TASP1: variants seen among roughly 807,000 people sequenced by gnomAD.
TASP1 encodes the protein threonine aspartase 1.
TASP1 carries 16 observed loss-of-function variants against 56.6 expected under a neutral mutation model. That is an observed-to-expected ratio of 0.28 (90% CI 0.19 to 0.43). The LOEUF (loss-of-function observed/expected upper bound fraction) is 0.43, where lower values mean the gene tolerates loss of function less well. Among genes scored for constraint, TASP1 ranks in the 20% least tolerant of loss-of-function variants. The probability of loss-of-function intolerance (pLI) is 1.00; values close to 1 mark genes in which losing one functional copy is unlikely to be tolerated. For missense variants in TASP1, 393 were observed against 511.6 expected (o/e 0.77, Z 2.24); for synonymous variants, 179 against 184.2 (o/e 0.97, Z 0.23).
chr20:13,361,791 T>C, the TASP1 span, among the ~76,000 whole-genome samples: 1 of 152,030 alleles, frequency 6.6e-6, no homozygotes, highest in Non-Finnish European at 1.5e-5. Context: ...ACAGCTGATA[T>C]CTCCTGGTGC....
intron 13 of TASP1, among the ~76,000 whole-genome samples, chr20:13,400,923 T>C (rs991016614): frequency 1.3e-5 from 2 of 152,214 alleles, no homozygotes; most frequent in Admixed American, 1.3e-4. Context: ...ACATAAACTA[T>C]ATTATTTGGA....
chr20:13,551,539 A>G, intron 8 of TASP1, among the ~76,000 whole-genome samples: 1 of 152,308 alleles, frequency 6.6e-6, no homozygotes, highest in Admixed American at 6.5e-5. Flanking sequence ...TTAATACTCT[A>G]AGAGTCCCTT....
chr20:13,539,430 G>T (rs2045537797), intron 8 of TASP1, among the ~76,000 whole-genome samples: 2 of 152,120 alleles, frequency 1.3e-5, no homozygotes, highest in Non-Finnish European at 2.9e-5. Flanking sequence ...CACACCTGTA[G>T]TCTGAGCTAC....
intron 7 of TASP1, among the ~76,000 whole-genome samples, chr20:13,564,590 C>T: frequency 6.7e-6 from 1 of 150,078 alleles, no homozygotes; most frequent in Non-Finnish European, 1.5e-5. Context: ...AATATCAATC[C>T]TAAAATTCAT....
intron 12 of TASP1, among the ~76,000 whole-genome samples, chr20:13,423,654 C>G (rs774003848): frequency 5.3e-5 from 8 of 152,188 alleles, no homozygotes; most frequent in Non-Finnish European, 7.3e-5. Flanking sequence ...ACTATCTTAG[C>G]AACTGGCAGC....
chr20:13,343,530 G>T, the TASP1 span, among the ~76,000 whole-genome samples: 1 of 152,112 alleles, frequency 6.6e-6, no homozygotes, highest in Non-Finnish European at 1.5e-5. Flanking sequence ...TGCAGGCTGC[G>T]GTTCCACCGC....
At chr20:13,145,749 G>T in the TASP1 span, among the ~76,000 whole-genome samples, 1 of 152,120 alleles carries the variant, frequency 6.6e-6, no homozygotes, top group Admixed American at 6.5e-5. Flanking sequence ...ATACTACAAG[G>T]CTACAGCAAC....
chr20:13,115,399 T>C, the TASP1 span, among the ~76,000 whole-genome samples: 1 of 152,186 alleles, frequency 6.6e-6, no homozygotes, highest in Admixed American at 6.5e-5. Context: ...GGCAGGCTCC[T>C]AACATCAGCT....
At chr20:13,255,875 C>G in the TASP1 span, among the ~76,000 whole-genome samples, 1 of 152,034 alleles carries the variant, frequency 6.6e-6, no homozygotes, top group Non-Finnish European at 1.5e-5. Flanking sequence ...TCATTCAGCC[C>G]ACCAACCAGC....
the TASP1 span, among the ~76,000 whole-genome samples, chr20:13,312,492 C>A: frequency 1.3e-5 from 2 of 152,202 alleles, no homozygotes; most frequent in Non-Finnish European, 2.9e-5. Context: ...CATGCACAGT[C>A]TGAGATAAAC....
At chr20:13,352,504 A>C in the TASP1 span, among the ~76,000 whole-genome samples, 1 of 151,922 alleles carries the variant, frequency 6.6e-6, no homozygotes, top group African/African-American at 2.4e-5. Context: ...TGTTGCTTGC[A>C]GGTTAAAGTT....
At chr20:13,378,024 G>A in the TASP1 span, among the ~76,000 whole-genome samples, 3 of 151,828 alleles carry the variant, frequency 2.0e-5, no homozygotes, top group African/African-American at 4.8e-5. Flanking sequence ...CAAATAACCC[G>A]CTCCTGGATT....
At chr20:13,256,256 C>G in the TASP1 span, among the ~76,000 whole-genome samples, 1 of 151,820 alleles carries the variant, frequency 6.6e-6, no homozygotes, top group African/African-American at 2.4e-5. Flanking sequence ...ATTAGCCAGG[C>G]GTGGTGGCGG....
chr20:13,303,409 G>A, the TASP1 span, among the ~76,000 whole-genome samples: 1 of 152,222 alleles, frequency 6.6e-6, no homozygotes, highest in African/African-American at 2.4e-5. Context: ...AAGTCACAAA[G>A]CTCAACATTT....
intron 11 of TASP1, among the ~76,000 whole-genome samples, chr20:13,438,484 T>C (rs1330286508): frequency 4.8e-4 from 73 of 152,166 alleles, no homozygotes; most frequent in African/African-American, 1.6e-3. Flanking sequence ...CCCTTCCTTA[T>C]ACCTTATACA....
chr20:13,190,623 A>G, the TASP1 span, among the ~76,000 whole-genome samples: 1 of 152,204 alleles, frequency 6.6e-6, no homozygotes, highest in African/African-American at 2.4e-5. Flanking sequence ...TGAAAATGAT[A>G]AAACTACTAG....
At chr20:13,342,172 C>T in the TASP1 span, among the ~76,000 whole-genome samples, 3 of 152,194 alleles carry the variant, frequency 2.0e-5, no homozygotes, top group African/African-American at 7.2e-5. Context: ...GCTACTCAGC[C>T]AGTTTTCTGG....
the TASP1 span, among the ~76,000 whole-genome samples, chr20:13,269,990 G>A: frequency 7.3e-6 from 1 of 136,382 alleles, no homozygotes; most frequent in Non-Finnish European, 1.6e-5. Context: ...AATGGAGTAT[G>A]GATGGGTTGA....
chr20:13,432,446 T>G (rs1316464876), intron 12 of TASP1, among the ~76,000 whole-genome samples: 21 of 152,216 alleles, frequency 1.4e-4, no homozygotes, highest in Non-Finnish European at 1.5e-5. Context: ...CCTTCTATAC[T>G]GTTTGAATTT....
Sources: allele counts gnomAD v4.1 joint callset (sites outside exome capture counted in the v4.1 genomes callset), GRCh38; gene constraint gnomAD v4.1.1; transcripts MANE v1.5; gene names NCBI Gene and HGNC (gene_info 2026-07-23, HGNC 2026-07-21).